Variants in TMCO4 observed in about 807,000 individuals in gnomAD.
TMCO4 encodes the protein transmembrane and coiled-coil domain-containing protein 4.
Under a neutral mutation model 64.7 loss-of-function variants are expected in TMCO4, and 58 were observed. The ratio of observed to expected loss-of-function variants is 0.90; its 90% CI spans 0.73 to 1.12. The LOEUF (loss-of-function observed/expected upper bound fraction) is 1.12. Among genes scored for constraint, TMCO4 ranks in the 50% most tolerant of loss-of-function variants. The pLI, the probability that TMCO4 is intolerant of heterozygous loss-of-function variation, is 0.00. For synonymous variants in TMCO4, 325 were observed against 346.1 expected, an observed-to-expected ratio of 0.94 and a Z score of 0.68; for missense variants, 780 against 825.9, an observed-to-expected ratio of 0.94 and a Z score of 0.68.
intron 6 of TMCO4, among the ~76,000 whole-genome samples, chr1:19,768,093 CAAAAAAA>C (rs35417457): frequency 4.5e-5 from 4 of 89,602 alleles, no homozygotes; most frequent in Non-Finnish European, 9.6e-5. Context: ...AACTTCATCT[CAAAAAAA>C]AAAAAAAAAA....
rs374202120 is a variant in TMCO4, at chr1:19,746,504, T to C, written c.709A>G (p.Ile237Val). The change falls in exon 9 of 16, where the codon ATA becomes GTA. Residue 237 changes from isoleucine to valine, a missense_variant. Transcript: ENST00000294543. Reference protein sequence around the residue: ...GAAALGSAAGIAIMTSLFGAA... With the variant: ...GAAALGSAAGVAIMTSLFGAA... ...CCAAACAGCGAGGTCATGATGGCTA[T>C]GCCGGCTGCTGAGCCCAGAGCCGCT... is the stretch of plus-strand genomic sequence containing the variant. 1.9e-5 allele frequency: 30 copies of C among 1,612,636 alleles called. No individual in the cohort carries two copies. The highest frequency in any genetic ancestry group is 1.2e-4 in the Admixed American group (7 of 59,842).
chr1:19,773,729 T>C (rs1246594158), intron 4 of TMCO4, among the ~76,000 whole-genome samples: 3 of 152,160 alleles, frequency 2.0e-5, no homozygotes, highest in Admixed American at 1.3e-4. Context: ...ATAAGGTTGG[T>C]TGAGGATGAA....
chr1:19,685,023 T>C (rs1230005162), intron 15 of TMCO4, among the ~76,000 whole-genome samples: 3 of 152,110 alleles, frequency 2.0e-5, no homozygotes, highest in Non-Finnish European at 4.4e-5. Context: ...GAATCAACCC[T>C]AGTGTATTTA....
At chr1:19,715,280 A>G (rs1217018076) in intron 13 of TMCO4, among the ~76,000 whole-genome samples, 2 of 152,202 alleles carry the variant, frequency 1.3e-5, no homozygotes, top group African/African-American at 4.8e-5. Flanking sequence ...CTCACTGTAT[A>G]TAACCCAGGC....
chr1:19,683,294 A>G lies in TMCO4; in HGVS notation c.1651T>C (p.Ser551Pro). ...EEPRQAAAAA[S>P]SGETPHQVGQ... ...ACCTGGTGGGGGGTCTCGCCTGATGAGGCGGCAGCTGCTGCCTGGCGAGGC... is the reference window on the plus strand; with the variant it reads ...ACCTGGTGGGGGGTCTCGCCTGATGGGGCGGCAGCTGCTGCCTGGCGAGGC... The change falls in exon 16 of 16, where the codon TCA becomes CCA. Residue 551 changes from serine (S) to proline (P), a missense_variant. By Grantham distance (74) the Ser-to-Pro change is moderately conservative (BLOSUM62 -1). Transcript: ENST00000294543. 1 of 1,614,066 alleles carries G rather than the reference A, an allele frequency of 6.2e-7. No individual in the cohort carries two copies. The highest frequency in any genetic ancestry group is 8.5e-7 in the Non-Finnish European group (1 of 1,179,952).
intron 4 of TMCO4, among the ~76,000 whole-genome samples, chr1:19,775,128 G>A (rs1158217926): frequency 6.6e-6 from 1 of 152,112 alleles, no homozygotes; most frequent in East Asian, 1.9e-4. Context: ...GTAATGGCAC[G>A]ATCTTGGCTC....
chr1:19,737,753 C>G (rs2095462159), intron 12 of TMCO4, among the ~76,000 whole-genome samples: 1 of 152,280 alleles, frequency 6.6e-6, no homozygotes, highest in Non-Finnish European at 1.5e-5. Flanking sequence ...CTCATCTTCC[C>G]CAGGAGACAG....
At chr1:19,740,043 AT>A in intron 11 of TMCO4, 83 bp from the exon 12 acceptor site, 1 of 1,478,746 alleles carries the variant, frequency 6.8e-7, no homozygotes, top group Non-Finnish European at 9.1e-7. Context: ...AGATGCTCAA[AT>A]AAATGCATGC....
intron 13 of TMCO4, among the ~76,000 whole-genome samples, chr1:19,730,047 G>T (rs1219690535): frequency 6.6e-6 from 1 of 152,204 alleles, no homozygotes; most frequent in East Asian, 1.9e-4. Context: ...GTTTAGCATG[G>T]AGAGAAAAAG....
intron 7 of TMCO4, among the ~76,000 whole-genome samples, chr1:19,752,743 C>T (rs977876963): frequency 1.3e-4 from 20 of 152,056 alleles, no homozygotes; most frequent in African/African-American, 3.9e-4. Flanking sequence ...GACTGGACAT[C>T]GTGGTCAAAT....
intron 9 of TMCO4, among the ~76,000 whole-genome samples, 168 bp downstream of exon 9, chr1:19,746,288 C>G (rs2041777730): frequency 6.6e-6 from 1 of 152,194 alleles, no homozygotes; most frequent in South Asian, 2.1e-4. Context: ...TCAGCCCTTA[C>G]CCTGACCCAC....
In TMCO4 at chr1:19,683,445, C is replaced by T; in HGVS notation, c.1501-1G>A. The T allele has an allele frequency of 6.2e-7, 1 of 1,612,232 alleles. No individual in the cohort carries two copies. ...TGGCATAGTCCAGGTGGCCGCTGAC[C>T]TGCAGGAGACAGTGAGTGAGCACCA... On this transcript the variant is annotated splice_acceptor_variant, in intron 15 of 15. Coordinates refer to ENST00000294543, the MANE Select transcript of TMCO4 (RefSeq NM_181719.7). LOFTEE classifies it high-confidence loss of function.
chr1:19,700,850 C>G lies in TMCO4; in HGVS notation c.1300G>C (p.Gly434Arg), dbSNP rs749312953. The part of the protein sequence containing the change: ...QGIIEDVILL[G>R]APVEGEAKHW... ...TTGGCTTCTCCCTCCACAGGCGCAC[C>G]CAGCAGGATGACGTCCTCGATGATT... The change falls in exon 14 of 16, where the codon GGT becomes CGT. Residue 434 changes from glycine (G) to arginine (R), a missense_variant. By Grantham distance (125) the Gly-to-Arg change is moderately radical. Coordinates refer to ENST00000294543, the MANE Select transcript of TMCO4 (RefSeq NM_181719.7). 2.5e-6 allele frequency: 4 copies of G among 1,614,110 alleles called. No homozygotes were observed. The highest frequency in any genetic ancestry group is 4.5e-5 in the East Asian group (2 of 44,890).
chr1:19,682,898 TC>T lies in TMCO4; in HGVS notation c.*141del. 8.4e-7 allele frequency: 1 copy of T among 1,193,566 alleles called. No homozygotes were observed. The allele number at this position is 1,193,566 out of a possible 1,614,324, so 73.9% of individuals were successfully genotyped here. A position where few individuals can be genotyped will look rare whatever the true frequency, so the allele number is the denominator to read the frequency against. ...AAATTCCCCTTCCTTCCATTTCCTT[TC>T]CCTTTCAGTTCCAATTCCTTCCATT... On this transcript the variant is annotated 3_prime_UTR_variant, in exon 16 of 16. Transcript: ENST00000294543.
chr1:19,763,721 C>G (rs958430880), intron 6 of TMCO4, among the ~76,000 whole-genome samples: 1 of 152,200 alleles, frequency 6.6e-6, no homozygotes, highest in Non-Finnish European at 1.5e-5. Context: ...TAATTACATA[C>G]TTTTTCTAGA....
chr1:19,748,777 A>T (rs1282921897), intron 7 of TMCO4, among the ~76,000 whole-genome samples: 1 of 152,184 alleles, frequency 6.6e-6, no homozygotes, highest in African/African-American at 2.4e-5. Flanking sequence ...GAGAGCTGAG[A>T]TCCCACCACT....
Position 19,732,412 on chromosome 1 carries a change from C to G in TMCO4, c.1264+4960G>C, listed in dbSNP as rs896816455. Among the ~76,000 whole-genome samples, 1 of 152,088 alleles carries G rather than the reference C, an allele frequency of 6.6e-6. No individual in the cohort carries two copies. The highest frequency in any genetic ancestry group is 1.5e-5 in the Non-Finnish European group (1 of 68,006). On this transcript the variant is annotated intron_variant, in intron 13 of 15. Transcript: ENST00000294543. The surrounding 1 kb of genome is among the most constrained non-coding windows in gnomAD (Gnocchi z 4.8). Reference sequence around the variant, plus strand: ...AACTCCTGGGCTCAAGCAATCCTCCCACCTCAGCCTCCCAAAGTGTTGGGA... The same window carrying G: ...AACTCCTGGGCTCAAGCAATCCTCCGACCTCAGCCTCCCAAAGTGTTGGGA...
intron 2 of TMCO4, among the ~76,000 whole-genome samples, chr1:19,796,029 C>T (rs998592365): frequency 2.0e-4 from 30 of 152,354 alleles, no homozygotes; most frequent in African/African-American, 6.5e-4. Context: ...CTGTTCTCTC[C>T]GTCTGGGTCC....
At chr1:19,736,338 C>T (rs553197478) in intron 13 of TMCO4, among the ~76,000 whole-genome samples, 29 of 152,302 alleles carry the variant, frequency 1.9e-4, no homozygotes, top group African/African-American at 4.8e-4. Context: ...TACCTCCCAC[C>T]GGGTCCCTCC....
Sources: allele counts gnomAD v4.1 joint callset (sites outside exome capture counted in the v4.1 genomes callset), GRCh38; gene constraint gnomAD v4.1.1; non-coding constraint Gnocchi (gnomAD v3.1); transcripts MANE v1.5; gene names NCBI Gene and HGNC (gene_info 2026-07-23, HGNC 2026-07-21).